Variants in CSRNP3 observed in about 807,000 individuals in gnomAD.
CSRNP3 encodes cysteine/serine-rich nuclear protein 3.
In CSRNP3, 12 loss-of-function variants were observed where a neutral mutation model predicts 48.0. The observed-to-expected ratio is 0.25, with a 90% CI of 0.16 to 0.41. CSRNP3 has a LOEUF of 0.41. CSRNP3 is among the 10% of genes least tolerant of loss of function. The pLI, the probability that CSRNP3 is intolerant of heterozygous loss-of-function variation, is 1.00. For missense variants in CSRNP3, 580 were observed against 724.4 expected (o/e 0.80, Z 2.29); for synonymous variants, 263 against 269.7 (o/e 0.98, Z 0.24).
intron 2 of CSRNP3, among the ~76,000 whole-genome samples, chr2:165,503,744 T>C (rs1448025383): frequency 1.3e-5 from 2 of 152,002 alleles, no homozygotes; most frequent in African/African-American, 4.8e-5. Context: ...GCCTATTCCC[T>C]GCTAAGTTTT....
Position 165,592,801 on chromosome 2 carries a change from CAT to C in CSRNP3, c.-23-2241_-23-2240del, listed in dbSNP as rs1491572691. ...ACTGTGAGTCAATTAAACCTCTTTTCATTTTTTTTTTTTTTTTTGAGACGGAG... is the reference window on the plus strand; with the variant it reads ...ACTGTGAGTCAATTAAACCTCTTTTCTTTTTTTTTTTTTTTTGAGACGGAG... On this transcript the variant is annotated intron_variant, in intron 3 of 6. Coordinates refer to ENST00000651982, the MANE Select transcript of CSRNP3 (RefSeq NM_001172173.2). Among the ~76,000 whole-genome samples the C allele has an allele frequency of 2.5e-3, 328 of 133,410 alleles. 19 individuals carry two copies. Among genetic ancestry groups the C allele is most frequent in the African/African-American group, 8.6e-3 (304 of 35,514 alleles). The allele number at this position is 133,410 out of a possible 152,430, so 87.5% of individuals were successfully genotyped here.
At chr2:165,559,686 CAA>C (rs1685204932) in intron 3 of CSRNP3, among the ~76,000 whole-genome samples, 1 of 151,180 alleles carries the variant, frequency 6.6e-6, no homozygotes, top group South Asian at 2.1e-4. Context: ...ACAATTAAGA[CAA>C]GAGATCTATA....
rs542674428 is a variant in CSRNP3 at position 165,616,578 on chromosome 2, A to G, written c.148+21365A>G. Among the ~76,000 whole-genome samples the G allele has an allele frequency of 4.6e-5, 7 of 152,288 alleles. No homozygotes were observed. The South Asian group carries it at 1.5e-3, about 32-fold the overall frequency. ...TTTATAAAAACACTTTGAATATATT[A>G]TCCCCTTCTCTCCTGAACTGTAGAT... On this transcript the variant is annotated intron_variant, in intron 4 of 6. Transcript: ENST00000651982.
At chr2:165,676,680 A>G in intron 6 of CSRNP3, 72 bp downstream of exon 6, 1 of 1,391,844 alleles carries the variant, frequency 7.2e-7, no homozygotes, top group Non-Finnish European at 9.9e-7. Flanking sequence ...CAGTCATGGT[A>G]CCTATAATGA....
intron 5 of CSRNP3, among the ~76,000 whole-genome samples, chr2:165,666,522 GAC>G (rs773491952): frequency 2.4e-5 from 1 of 41,458 alleles, no homozygotes; most frequent in South Asian, 1.5e-3. Context: ...AAGAAAGAAA[GAC>G]AGAGAGAGGA....
At chr2:165,655,207 A>G (rs975591911) in intron 4 of CSRNP3, among the ~76,000 whole-genome samples, 1 of 152,158 alleles carries the variant, frequency 6.6e-6, no homozygotes, top group African/African-American at 2.4e-5. Context: ...AGCAGTTGAC[A>G]TCTTCCAGAG....
At chr2:165,658,065 C>G in intron 5 of CSRNP3, 45 bp downstream of exon 5, 2 of 1,575,872 alleles carry the variant, frequency 1.3e-6, no homozygotes, top group South Asian at 2.3e-5. Flanking sequence ...ATCCTTACAG[C>G]AATTTGATTG....
intron 4 of CSRNP3, among the ~76,000 whole-genome samples, chr2:165,655,665 T>G (rs1686991850): frequency 6.6e-6 from 1 of 152,150 alleles, no homozygotes; most frequent in African/African-American, 2.4e-5. Flanking sequence ...ATGACCAAGG[T>G]GTTGGCAGGG....
At chr2:165,592,895 G>A (rs1006743312) in intron 3 of CSRNP3, among the ~76,000 whole-genome samples, 5 of 143,056 alleles carry the variant, frequency 3.5e-5, no homozygotes, top group East Asian at 2.1e-4. Context: ...TCCACCTCCC[G>A]GGTTCACGCC....
rs181792445 is a variant in CSRNP3, at chr2:165,579,491, A to G, written c.-23-15552A>G. On this transcript the variant is annotated intron_variant, in intron 3 of 6. Coordinates refer to ENST00000651982, the MANE Select transcript of CSRNP3 (RefSeq NM_001172173.2). The stretch of plus-strand genomic sequence containing the variant: ...TATTTTTCCATTCTGACTTTATGCA[A>G]TTAAGGCAGTAGTTATTCATCTCTG... Among the ~76,000 whole-genome samples the G allele has an allele frequency of 6.4e-4, 98 of 152,206 alleles. 1 individual carries two copies. The highest frequency in any genetic ancestry group is 2.3e-3 in the African/African-American group (95 of 41,524).
rs1176598711 is a variant in CSRNP3, at chr2:165,520,770, TTATATATATATATTATATA to T, written c.-24+2823_-24+2841del. On this transcript the variant is annotated intron_variant, in intron 3 of 6. Transcript: ENST00000651982. ...ATATAAATAGATATATAGAAATATATTATATATATATATTATATATATATATATATATATATATATATAT... is the reference window on the plus strand; with the variant it reads ...ATATAAATAGATATATAGAAATATATTATATATATATATATATATATATAT... Among the ~76,000 whole-genome samples the T allele has an allele frequency of 6.8e-3, 728 of 107,178 alleles. 9 individuals are homozygous for T. The highest frequency in any genetic ancestry group is 9.1e-3 in the Non-Finnish European group (484 of 53,140). The allele number at this position is 107,178 out of a possible 152,430, so 70.3% of individuals were successfully genotyped here. A position where few individuals can be genotyped will look rare whatever the true frequency, so the allele number is the denominator to read the frequency against.
chr2:165,480,985 T>C (rs1684034035), intron 1 of CSRNP3, among the ~76,000 whole-genome samples: 1 of 150,956 alleles, frequency 6.6e-6, no homozygotes. Context: ...CCTATGTCTA[T>C]AAAAATATGA....
chr2:165,628,698 T>C (rs567417749), intron 4 of CSRNP3, among the ~76,000 whole-genome samples: 5 of 152,256 alleles, frequency 3.3e-5, no homozygotes, highest in African/African-American at 1.2e-4. Context: ...CACTCCAGCC[T>C]GGACAATGAG....
At chr2:165,561,424 TTTTTCTCTTCTTCAAGAGTAA>T (rs1170057640) in intron 3 of CSRNP3, among the ~76,000 whole-genome samples, 2 of 152,156 alleles carry the variant, frequency 1.3e-5, no homozygotes, top group African/African-American at 4.8e-5. Context: ...GGTTGATTTT[TTTTTCTCTTCTTCAAGAGTAA>T]TTTCTTACTT....
At chr2:165,540,362 A>G (rs1684937423) in intron 3 of CSRNP3, among the ~76,000 whole-genome samples, 1 of 152,092 alleles carries the variant, frequency 6.6e-6, no homozygotes, top group Admixed American at 6.6e-5. Flanking sequence ...TCTCTCTGAG[A>G]CAGAAGCTTA....
intron 6 of CSRNP3, among the ~76,000 whole-genome samples, chr2:165,676,884 A>C (rs1464229150): frequency 6.6e-6 from 1 of 152,168 alleles, no homozygotes; most frequent in Non-Finnish European, 1.5e-5. Context: ...TTTATCTTGG[A>C]TTCTTGTATT....
intron 4 of CSRNP3, among the ~76,000 whole-genome samples, chr2:165,609,332 G>T (rs1244753369): frequency 6.6e-6 from 1 of 150,960 alleles, no homozygotes; most frequent in Non-Finnish European, 1.5e-5. Flanking sequence ...GGTGGCGGGC[G>T]CTTGTAGTCC....
At chr2:165,646,820 A>G (rs1573941579) in intron 4 of CSRNP3, among the ~76,000 whole-genome samples, 3 of 152,192 alleles carry the variant, frequency 2.0e-5, no homozygotes, top group African/African-American at 7.2e-5. Flanking sequence ...ATTTATGTTT[A>G]GTAACAACTA....
chr2:165,597,608 A>G (rs1245346082), intron 4 of CSRNP3, among the ~76,000 whole-genome samples: 1 of 152,158 alleles, frequency 6.6e-6, no homozygotes, highest in Non-Finnish European at 1.5e-5. Context: ...AATATATTTA[A>G]TGATGTAAAA....
Sources: gnomAD v4.1 joint callset for allele counts (sites outside exome capture counted in the v4.1 genomes callset) on GRCh38, gnomAD v4.1.1 for gene constraint, MANE v1.5 for transcripts, NCBI Gene and HGNC (gene_info 2026-07-23, HGNC 2026-07-21) for gene names.